The following CCDC178 variants were observed in gnomAD, a reference collection of about 807,000 sequenced individuals.
CCDC178 encodes coiled-coil domain containing 178.
CCDC178 carries 126 observed loss-of-function variants against 117.4 expected under a neutral mutation model. The ratio of observed to expected loss-of-function variants is 1.07; its 90% CI spans 0.93 to 1.24. The LOEUF (loss-of-function observed/expected upper bound fraction) is 1.24, where lower values mean the gene tolerates loss of function less well. Ranked by LOEUF, CCDC178 falls within the 50% of genes most tolerant of loss-of-function variation. The pLI, the probability that CCDC178 is intolerant of heterozygous loss-of-function variation, is 0.00. For missense variants in CCDC178, 1,030 were observed against 986.9 expected (o/e 1.04, Z -0.59); for synonymous variants, 283 against 313.4 (o/e 0.90, Z 1.02).
Position 33,312,929 on chromosome 18 carries a change from C to T in CCDC178, c.1022+10562G>A, listed in dbSNP as rs140958982. On this transcript the variant is annotated intron_variant, in intron 11 of 22. Transcript: ENST00000383096. ...AGGAAGTATACTCCAGTGGGCCAGACCTTAAAAGTAAACCTATTAAAAATG... is the reference window on the plus strand; with the variant it reads ...AGGAAGTATACTCCAGTGGGCCAGATCTTAAAAGTAAACCTATTAAAAATG... Among the ~76,000 whole-genome samples the T allele has an allele frequency of 4.6e-3, 706 of 152,254 alleles. 3 individuals carry two copies. The highest frequency in any genetic ancestry group is 7.3e-3 in the Non-Finnish European group (496 of 68,026).
intron 15 of CCDC178, among the ~76,000 whole-genome samples, chr18:33,231,824 C>T (rs1036779762): frequency 2.0e-5 from 3 of 152,114 alleles, no homozygotes; most frequent in Non-Finnish European, 4.4e-5. Context: ...TATGTTGAGA[C>T]ACAACCCCAC....
At chr18:33,268,576 C>G (rs1377051549) in intron 12 of CCDC178, among the ~76,000 whole-genome samples, 1 of 151,726 alleles carries the variant, frequency 6.6e-6, no homozygotes, top group Admixed American at 6.6e-5. Flanking sequence ...GAGAGTGTCA[C>G]CTTGCCGAGT....
At chr18:33,177,496 G>A (rs902540460) in intron 20 of CCDC178, among the ~76,000 whole-genome samples, 2 of 152,064 alleles carry the variant, frequency 1.3e-5, no homozygotes, top group Non-Finnish European at 2.9e-5. Context: ...GCATCCTTGG[G>A]GAGTTGGCTT....
At chr18:33,024,135 A>C (rs2056177678) in intron 21 of CCDC178, among the ~76,000 whole-genome samples, 1 of 152,242 alleles carries the variant, frequency 6.6e-6, no homozygotes, top group Non-Finnish European at 1.5e-5. Context: ...ATTTCCCAAC[A>C]CATGGTTTCA....
intron 21 of CCDC178, among the ~76,000 whole-genome samples, chr18:33,023,911 A>G (rs7229953): frequency 0.021 from 3,155 of 152,304 alleles, 50 homozygotes; most frequent in African/African-American, 0.047. Context: ...AGCAAGGGAT[A>G]TGGTACTACT....
chr18:33,165,903 A>G (rs559237417), intron 20 of CCDC178, among the ~76,000 whole-genome samples: 50 of 152,230 alleles, frequency 3.3e-4, no homozygotes, highest in Non-Finnish European at 6.6e-4. Context: ...TTCAATGGAA[A>G]AAAAAGCAAT....
intron 2 of CCDC178, among the ~76,000 whole-genome samples, chr18:33,435,388 C>T (rs1233661031): frequency 1.3e-5 from 2 of 152,102 alleles, no homozygotes; most frequent in African/African-American, 4.8e-5. Flanking sequence ...TGTTTTAGAG[C>T]ATGTAAGCAC....
intron 21 of CCDC178, among the ~76,000 whole-genome samples, chr18:33,064,857 T>C (rs141695434): frequency 9.1e-4 from 138 of 152,154 alleles, no homozygotes; most frequent in African/African-American, 3.1e-3. Flanking sequence ...GTGTCAACAA[T>C]GAATGAAAGA....
At chr18:32,940,643 A>G (rs1375600285) in intron 22 of CCDC178, among the ~76,000 whole-genome samples, 4 of 151,992 alleles carry the variant, frequency 2.6e-5, no homozygotes, top group Admixed American at 6.6e-5. Context: ...CTAGTGCCCA[A>G]TAGTTATTTT....
At chr18:33,311,128 T>A (rs2062336010) in intron 11 of CCDC178, among the ~76,000 whole-genome samples, 1 of 152,186 alleles carries the variant, frequency 6.6e-6, no homozygotes, top group Non-Finnish European at 1.5e-5. Flanking sequence ...GGGAAGATGT[T>A]CAGTCCCTTT....
intron 1 of CCDC178, among the ~76,000 whole-genome samples, 160 bp from the exon 2 acceptor site, chr18:33,440,241 T>C (rs906399024): frequency 6.9e-6 from 1 of 145,212 alleles, no homozygotes; most frequent in East Asian, 2.1e-4. Flanking sequence ...GAAGTTCCTC[T>C]AGGCGGCCAG....
chr18:33,187,114 A>AGAGAGAGAGC (rs60923129), intron 20 of CCDC178, among the ~76,000 whole-genome samples: 3,631 of 150,236 alleles, frequency 0.024, 64 homozygotes, highest in East Asian at 0.093. Context: ...AGAGAGAGAG[A>AGAGAGAGAGC]GACTGAGAGA....
chr18:33,368,667 C>A (rs1568180419), intron 6 of CCDC178, among the ~76,000 whole-genome samples: 1 of 151,818 alleles, frequency 6.6e-6, no homozygotes, highest in Admixed American at 6.6e-5. Flanking sequence ...GTGTGTGAAT[C>A]CCAATTCTGC....
intron 14 of CCDC178, among the ~76,000 whole-genome samples, chr18:33,254,512 A>T (rs1223775991): frequency 6.6e-6 from 1 of 151,956 alleles, no homozygotes; most frequent in Non-Finnish European, 1.5e-5. Flanking sequence ...ACAAGTTTAT[A>T]CTCTCATGAA....
intron 11 of CCDC178, among the ~76,000 whole-genome samples, chr18:33,301,220 G>A (rs1040360731): frequency 2.0e-5 from 3 of 152,234 alleles, no homozygotes; most frequent in Non-Finnish European, 4.4e-5. Context: ...TTCCACCATG[G>A]TGTTAAGCCT....
intron 21 of CCDC178, among the ~76,000 whole-genome samples, chr18:33,088,603 T>G (rs2057417663): frequency 6.6e-6 from 1 of 152,160 alleles, no homozygotes; most frequent in African/African-American, 2.4e-5. Context: ...ATAGAACAAT[T>G]GGTGATTAAT....
At position 33,333,321 on chromosome 18, in the gene CCDC178, A is replaced by G; in HGVS notation, c.732T>C (p.His244=). ...HLEDKANQLQ[H]FEKQKTELEE... is the part of the protein sequence containing the mutation. ...CTAACTCTGTCTTTTGTTTTTCAAAATGTTGTAGTTGATTAGCTTTATCTT... is the reference window on the plus strand; with the variant it reads ...CTAACTCTGTCTTTTGTTTTTCAAAGTGTTGTAGTTGATTAGCTTTATCTT... The change falls in exon 10 of 23, where the codon CAT becomes CAC. Residue 244 remains histidine, a synonymous_variant. Coordinates refer to ENST00000383096, the MANE Select transcript of CCDC178 (RefSeq NM_001105528.4). The G allele has an allele frequency of 6.2e-7, 1 of 1,612,900 alleles. No homozygotes were observed. Among genetic ancestry groups the G allele is most frequent in the Non-Finnish European group, 8.5e-7 (1 of 1,179,340 alleles).
intron 12 of CCDC178, among the ~76,000 whole-genome samples, chr18:33,279,923 C>A (rs1320640670): frequency 6.6e-6 from 1 of 152,066 alleles, no homozygotes; most frequent in African/African-American, 2.4e-5. Context: ...AACTGGATCC[C>A]TTCCTTACAC....
intron 20 of CCDC178, among the ~76,000 whole-genome samples, chr18:33,110,416 CTA>C (rs2057765416): frequency 6.6e-6 from 1 of 151,492 alleles, no homozygotes; most frequent in Non-Finnish European, 1.5e-5. Context: ...AGTTTATAAA[CTA>C]TGTATTTCTT....
Sources: gnomAD v4.1 joint callset for allele counts (sites outside exome capture counted in the v4.1 genomes callset) on GRCh38, gnomAD v4.1.1 for gene constraint, MANE v1.5 for transcripts, NCBI Gene and HGNC (gene_info 2026-07-23, HGNC 2026-07-21) for gene names.